Variants in PCDHA4 observed in about 807,000 individuals in gnomAD.
PCDHA4 encodes protocadherin alpha-4.
Under a neutral mutation model 61.4 loss-of-function variants are expected in PCDHA4, and 49 were observed. The observed-to-expected ratio is 0.80, with a 90% CI of 0.63 to 1.01. The LOEUF is 1.01. Ranked by LOEUF, PCDHA4 falls within the 50% of genes least tolerant of loss-of-function variation. PCDHA4 has a pLI of 0.00. For missense variants in PCDHA4, 1,254 were observed against 1,235.8 expected (o/e 1.01, Z -0.22); for synonymous variants, 590 against 550.3 (o/e 1.07, Z -1.01).
chr5:140,887,074 G>T (rs1554182860), intron 1 of PCDHA4, among the ~76,000 whole-genome samples: 2 of 151,506 alleles, frequency 1.3e-5, no homozygotes, highest in Non-Finnish European at 2.9e-5. Flanking sequence ...AATTCACTCA[G>T]CTTTTGTCTG....
chr5:140,843,174 C>G (rs2150354431), intron 1 of PCDHA4: 17 of 1,596,086 alleles, frequency 1.1e-5, no homozygotes, highest in African/African-American at 9.4e-5. Context: ...GCAAGCAGCC[C>G]TCGCATCCCG....
chr5:140,869,343 G>A (rs1554162925), intron 1 of PCDHA4: 1 of 1,613,974 alleles, frequency 6.2e-7, no homozygotes, highest in African/African-American at 1.3e-5. Context: ...TAAATCTGCA[G>A]AATGGCATTT....
intron 1 of PCDHA4, among the ~76,000 whole-genome samples, chr5:140,911,976 A>G (rs1270778875): frequency 6.6e-6 from 1 of 152,218 alleles, no homozygotes; most frequent in Non-Finnish European, 1.5e-5. Context: ...ATTAACTCAC[A>G]TGATCACAAG....
intron 1 of PCDHA4, among the ~76,000 whole-genome samples, chr5:140,888,814 T>C (rs1052564071): frequency 6.6e-6 from 1 of 152,126 alleles, no homozygotes; most frequent in Non-Finnish European, 1.5e-5. Context: ...TGATCTGTGA[T>C]CTGTGATCAC....
At chr5:140,909,439 G>C (rs1348703640) in intron 1 of PCDHA4, among the ~76,000 whole-genome samples, 1 of 152,210 alleles carries the variant, frequency 6.6e-6, no homozygotes, top group Admixed American at 6.5e-5. Context: ...ATAATCCACT[G>C]TCATTCTCCA....
At position 140,807,396 on chromosome 5, in the gene PCDHA4, G is replaced by GA. The variant is rs200172095; in HGVS notation, c.209_210insA (p.Arg71ProfsTer57). 2.8e-3 allele frequency: 4,052 copies of GA among 1,446,230 alleles called. 1,984 individuals carry two copies. The highest frequency in any genetic ancestry group is 0.012 in the Admixed American group (618 of 53,392). The allele number at this position is 1,446,230 out of a possible 1,614,324, so 89.6% of individuals were successfully genotyped here. A position where few individuals can be genotyped will look rare whatever the true frequency, so the allele number is the denominator to read the frequency against. Reference sequence around the variant, plus strand: ...CGCCTGTTCCGGGTGGCGTCCAAGGGCCGCGGAGGCCTTCTGGAGGTAAAT... The same window carrying GA: ...CGCCTGTTCCGGGTGGCGTCCAAGGGACCGCGGAGGCCTTCTGGAGGTAAAT... On this transcript the variant is annotated frameshift_variant, in exon 1 of 4. Coordinates refer to ENST00000530339, the MANE Select transcript of PCDHA4 (RefSeq NM_018907.4). LOFTEE classifies it high-confidence loss of function.
intron 1 of PCDHA4, among the ~76,000 whole-genome samples, chr5:140,839,543 C>T (rs1455447545): frequency 1.3e-5 from 2 of 151,966 alleles, no homozygotes; most frequent in Non-Finnish European, 2.9e-5. Flanking sequence ...GCACACACCA[C>T]CATGCCCAAC....
chr5:140,966,893 C>CA (rs1554228863), intron 1 of PCDHA4: 3 of 1,595,686 alleles, frequency 1.9e-6, no homozygotes, highest in African/African-American at 1.3e-5. Context: ...TGCGGCCTCC[C>CA]AGCTGCGATA....
intron 1 of PCDHA4, among the ~76,000 whole-genome samples, chr5:140,923,640 T>G (rs2081459480): frequency 6.6e-6 from 1 of 152,234 alleles, no homozygotes; most frequent in African/African-American, 2.4e-5. Flanking sequence ...GCAAAAATCT[T>G]TAGCCTCCCT....
chr5:140,907,163 T>C (rs1019409387), intron 1 of PCDHA4, among the ~76,000 whole-genome samples: 1 of 152,162 alleles, frequency 6.6e-6, no homozygotes, highest in Non-Finnish European at 1.5e-5. Context: ...TACCATATAT[T>C]GGATGCTGAT....
intron 1 of PCDHA4, among the ~76,000 whole-genome samples, chr5:140,818,324 C>T (rs2150100800): frequency 6.6e-6 from 1 of 152,092 alleles, no homozygotes; most frequent in Admixed American, 6.6e-5. Context: ...GGAATTTTAT[C>T]TTGTTATTCT....
intron 1 of PCDHA4, among the ~76,000 whole-genome samples, chr5:140,902,482 C>T (rs1554190466): frequency 1.3e-5 from 2 of 152,086 alleles, no homozygotes; most frequent in Non-Finnish European, 2.9e-5. Context: ...TTTGCCTGCT[C>T]AGTATGATAC....
chr5:140,842,555 G>C, intron 1 of PCDHA4: 2 of 1,465,934 alleles, frequency 1.4e-6, no homozygotes, highest in Non-Finnish European at 1.9e-6. Flanking sequence ...GCTGGACAGC[G>C]CCCTGGACCG....
Position 140,849,019 on chromosome 5 carries a change from A to G in PCDHA4, c.2385+39447A>G, listed in dbSNP as rs144148683. On this transcript the variant is annotated intron_variant, in intron 1 of 3. Coordinates refer to ENST00000530339, the MANE Select transcript of PCDHA4 (RefSeq NM_018907.4). ...CTGCTCACTTACAGACTGAGCCCCA[A>G]TGAGTATTTCTTCCTGGACGTGCCA... 14,073 of 1,587,530 alleles carry G rather than the reference A, an allele frequency of 8.9e-3. 240 individuals carry two copies. Among genetic ancestry groups the G allele is most frequent in the Non-Finnish European group, 0.011 (13,037 of 1,163,614 alleles).
At chr5:140,816,902 C>G (rs564991334) in intron 1 of PCDHA4, 1 of 152,062 alleles carries the variant, frequency 6.6e-6, no homozygotes, top group African/African-American at 2.4e-5. Flanking sequence ...TTCTGAGAAG[C>G]CCTCAGTTAT....
Position 140,809,279 on chromosome 5 carries a change from G to C in PCDHA4, c.2092G>C (p.Val698Leu). The change falls in exon 1 of 4, where the codon GTA (valine) becomes CTA (leucine). Residue 698 changes from valine to leucine, a missense_variant. Transcript: ENST00000530339. ...CGATGCTGCGCTGGTGGATGTCAAC[G>C]TATACCTGATCATTGCCATCTGCGC... ...GPDAALVDVN[V>L]YLIIAICAVS... 3 of 1,614,106 alleles carry C rather than the reference G, an allele frequency of 1.9e-6. No individual in the cohort carries two copies. Among genetic ancestry groups the C allele is most frequent in the Non-Finnish European group, 2.5e-6 (3 of 1,179,950 alleles).
chr5:140,976,507 C>T (rs868949957), intron 1 of PCDHA4, among the ~76,000 whole-genome samples: 2 of 151,968 alleles, frequency 1.3e-5, no homozygotes, highest in African/African-American at 4.8e-5. Context: ...GCCAAGATCG[C>T]GCCACTGCAC....
chr5:140,850,254 G>C, intron 1 of PCDHA4: 1 of 1,593,786 alleles, frequency 6.3e-7, no homozygotes, highest in Non-Finnish European at 8.6e-7. Flanking sequence ...GTCGGTGGGC[G>C]CCGGCGTAGT....
chr5:140,842,582 T>A, intron 1 of PCDHA4: 1 of 1,520,542 alleles, frequency 6.6e-7, no homozygotes, highest in Non-Finnish European at 8.9e-7. Context: ...AGTGTCGGCC[T>A]ATGAGTTGGT....
Sources: allele counts gnomAD v4.1 joint callset (sites outside exome capture counted in the v4.1 genomes callset), GRCh38; gene constraint gnomAD v4.1.1; transcripts MANE v1.5; gene names NCBI Gene and HGNC (gene_info 2026-07-23, HGNC 2026-07-21).